MAGI2: variants seen among roughly 807,000 people sequenced by gnomAD.
MAGI2 encodes the protein membrane associated guanylate kinase, WW and PDZ domain containing 2.
MAGI2 carries 35 observed loss-of-function variants against 133.3 expected under a neutral mutation model. That is an observed-to-expected ratio of 0.26 (90% CI 0.20 to 0.35). The LOEUF is 0.35. Ranked by LOEUF, MAGI2 falls within the 10% of genes least tolerant of loss-of-function variation. MAGI2 has a pLI of 1.00. For missense variants in MAGI2, 1,636 were observed against 1,863.4 expected, an observed-to-expected ratio of 0.88 and a Z score of 2.25; for synonymous variants, 729 against 710.6, an observed-to-expected ratio of 1.03 and a Z score of -0.41.
intron 2 of MAGI2, among the ~76,000 whole-genome samples, chr7:78,758,122 G>T (rs1824140247): frequency 6.6e-6 from 1 of 152,048 alleles, no homozygotes; most frequent in Non-Finnish European, 1.5e-5. Flanking sequence ...TCTGATTTGG[G>T]ACATTTAACG....
chr7:78,282,201 CTTAAACTCA>C (rs1795678831), intron 9 of MAGI2, among the ~76,000 whole-genome samples: 1 of 152,088 alleles, frequency 6.6e-6, no homozygotes, highest in African/African-American at 2.4e-5. Flanking sequence ...GTCCTGGAGA[CTTAAACTCA>C]TTTAGTGGCT....
chr7:78,462,879 A>G (rs1790211318), intron 6 of MAGI2, among the ~76,000 whole-genome samples: 1 of 152,198 alleles, frequency 6.6e-6, no homozygotes, highest in Admixed American at 6.5e-5. Flanking sequence ...TGATGGCAGA[A>G]TTCACAACTT....
intron 1 of MAGI2, among the ~76,000 whole-genome samples, chr7:79,113,802 A>G (rs1819147810): frequency 1.1e-5 from 1 of 92,870 alleles, no homozygotes; most frequent in Non-Finnish European, 2.6e-5. Flanking sequence ...TCCTCCTATT[A>G]CACACGCTTA....
intron 10 of MAGI2, among the ~76,000 whole-genome samples, chr7:78,217,773 C>A (rs879778133): frequency 6.6e-6 from 1 of 152,204 alleles, no homozygotes; most frequent in African/African-American, 2.4e-5. Context: ...GTCCTAAAAT[C>A]TTTCAGGTCA....
intron 1 of MAGI2, among the ~76,000 whole-genome samples, chr7:79,101,686 C>T (rs1329431555): frequency 6.3e-5 from 9 of 142,870 alleles, no homozygotes; most frequent in African/African-American, 1.0e-4. Flanking sequence ...ATCGCGCCAC[C>T]GCACTCCAGC....
At chr7:78,505,365 T>A (rs1381670841) in intron 4 of MAGI2, among the ~76,000 whole-genome samples, 1 of 152,160 alleles carries the variant, frequency 6.6e-6, no homozygotes, top group Non-Finnish European at 1.5e-5. Context: ...ATGAATATAA[T>A]ATGGCCCTTA....
chr7:78,462,321 C>T (rs1790147676), intron 6 of MAGI2, among the ~76,000 whole-genome samples: 1 of 152,132 alleles, frequency 6.6e-6, no homozygotes, highest in Non-Finnish European at 1.5e-5. Context: ...GGCAAAGGTG[C>T]ATTCAGCATT....
At chr7:79,356,970 A>C (rs560735775) in intron 1 of MAGI2, among the ~76,000 whole-genome samples, 1 of 152,198 alleles carries the variant, frequency 6.6e-6, no homozygotes, top group Non-Finnish European at 1.5e-5. Context: ...AAGGAGAAGA[A>C]ATTTCCATGT....
At chr7:78,280,853 C>CAA (rs36097343) in intron 9 of MAGI2, among the ~76,000 whole-genome samples, 17,133 of 107,622 alleles carry the variant, frequency 0.16, 1,609 homozygotes, top group East Asian at 0.33. Flanking sequence ...GATGGGTATA[C>CAA]AAAAAAAAAA....
At chr7:78,112,308 C>G (rs1162960121) in intron 20 of MAGI2, among the ~76,000 whole-genome samples, 1 of 152,076 alleles carries the variant, frequency 6.6e-6, no homozygotes, top group Non-Finnish European at 1.5e-5. Flanking sequence ...CCTTGTCATC[C>G]ACGTTTGGTG....
chr7:78,752,551 C>A (rs1823556548), intron 2 of MAGI2, among the ~76,000 whole-genome samples: 1 of 152,148 alleles, frequency 6.6e-6, no homozygotes. Context: ...TGCAGTGAGC[C>A]AAGGTGGCAC....
chr7:78,608,802 T>G (rs1806112797), intron 3 of MAGI2, among the ~76,000 whole-genome samples: 2 of 152,218 alleles, frequency 1.3e-5, no homozygotes, highest in South Asian at 4.1e-4. Context: ...ACCACTTTTG[T>G]CCTTGTTATC....
At chr7:79,452,646 C>G (rs1849364453) in intron 1 of MAGI2, among the ~76,000 whole-genome samples, 1 of 152,008 alleles carries the variant, frequency 6.6e-6, no homozygotes, top group African/African-American at 2.4e-5. Flanking sequence ...TCCCTCCCTT[C>G]CTCCCATTCT....
chr7:78,620,113 G>T (rs1376185333), intron 3 of MAGI2, among the ~76,000 whole-genome samples: 1 of 151,860 alleles, frequency 6.6e-6, no homozygotes, highest in Admixed American at 6.6e-5. Flanking sequence ...AATCATTTTG[G>T]TCTTCTAAAA....
chr7:78,460,771 G>A (rs1271217783), intron 6 of MAGI2, among the ~76,000 whole-genome samples: 2 of 152,150 alleles, frequency 1.3e-5, no homozygotes, highest in Non-Finnish European at 2.9e-5. Flanking sequence ...TATATAACCT[G>A]CATACTTTTT....
chr7:79,186,227 TATATATATATATATATTTATA>T (rs1827112187), intron 1 of MAGI2, among the ~76,000 whole-genome samples: 1 of 136,478 alleles, frequency 7.3e-6, no homozygotes, highest in Non-Finnish European at 1.5e-5. Context: ...TATATATATA[TATATATATATATATATTTATA>T]TTTATTTATT....
At chr7:79,391,965 C>T (rs183232765) in intron 1 of MAGI2, among the ~76,000 whole-genome samples, 61 of 152,132 alleles carry the variant, frequency 4.0e-4, no homozygotes, top group African/African-American at 1.3e-3. Context: ...GGTTTTAAGC[C>T]CTGCATGCAT....
At chr7:78,416,000 T>C (rs970657601) in intron 6 of MAGI2, among the ~76,000 whole-genome samples, 1 of 152,066 alleles carries the variant, frequency 6.6e-6, no homozygotes, top group Non-Finnish European at 1.5e-5. Flanking sequence ...GACTCCCAGT[T>C]CCAGGGAGCA....
intron 2 of MAGI2, chr7:78,770,985 G>A (rs2151319801): frequency 6.6e-6 from 1 of 152,306 alleles, no homozygotes; most frequent in East Asian, 1.9e-4. Flanking sequence ...CTTGATAGAA[G>A]TAGTCTCAGC....
Sources: allele counts gnomAD v4.1 joint callset (sites outside exome capture counted in the v4.1 genomes callset), GRCh38; gene constraint gnomAD v4.1.1; transcripts MANE v1.5; gene names NCBI Gene and HGNC (gene_info 2026-07-23, HGNC 2026-07-21).